Variants in NRG1 observed in about 807,000 individuals in gnomAD.
NRG1 encodes neuregulin 1.
Under a neutral mutation model 63.8 loss-of-function variants are expected in NRG1, and 18 were observed. That is an observed-to-expected ratio of 0.28 (90% confidence interval 0.19 to 0.42). The LOEUF (loss-of-function observed/expected upper bound fraction) is 0.42, where lower values mean the gene tolerates loss of function less well. NRG1 is among the 10% of genes least tolerant of loss of function. The pLI is 1.00. For missense variants in NRG1, 762 were observed against 814.7 expected (o/e 0.94, Z 0.79); for synonymous variants, 302 against 301.3 (o/e 1.00, Z -0.02).
At chr8:32,070,060 A>G (rs994323577) in intron 1 of NRG1, among the ~76,000 whole-genome samples, 1 of 152,178 alleles carries the variant, frequency 6.6e-6, no homozygotes, top group African/African-American at 2.4e-5. Flanking sequence ...ATGTCAATAA[A>G]AGGTAGTAAA....
intron 1 of NRG1, among the ~76,000 whole-genome samples, chr8:32,019,090 T>G (rs1255585205): frequency 1.3e-5 from 2 of 152,234 alleles, no homozygotes; most frequent in African/African-American, 4.8e-5. Flanking sequence ...TCTTTCTTAT[T>G]GATTTGGAGG....
In NRG1 at chr8:32,758,339, G is replaced by A. The variant is rs184619247; in HGVS notation, c.922-967G>A. 6.8e-3 allele frequency among the ~76,000 whole-genome samples: 1,042 copies of A among 152,210 alleles called. 7 individuals carry two copies. Among genetic ancestry groups the A allele is most frequent in the Middle Eastern group, 0.01 (3 of 294 alleles). ...CACCTGTAATGCCAGCACTTTGGGA[G>A]GCAGAGGTGGACGGATCACCTGAGG... is the stretch of plus-strand genomic sequence containing the variant. On this transcript the variant is annotated intron_variant, in intron 9 of 11. Coordinates refer to ENST00000356819, the Ensembl canonical transcript of NRG1.
chr8:32,739,128 G>C (rs563128188), intron 6 of NRG1, among the ~76,000 whole-genome samples: 1 of 152,088 alleles, frequency 6.6e-6, no homozygotes, highest in Non-Finnish European at 1.5e-5. Context: ...ATGAGACCCC[G>C]TAAAGCAAAA....
intron 1 of NRG1, among the ~76,000 whole-genome samples, chr8:32,558,097 G>A (rs892676766): frequency 2.6e-5 from 4 of 152,152 alleles, no homozygotes; most frequent in Non-Finnish European, 4.4e-5. Flanking sequence ...GACAAGGACC[G>A]CTATCGTTCT....
intron 1 of NRG1, among the ~76,000 whole-genome samples, chr8:32,522,789 G>C (rs1830457307): frequency 6.7e-6 from 1 of 148,832 alleles, no homozygotes; most frequent in African/African-American, 2.5e-5. Flanking sequence ...ATACTTTGTT[G>C]AGTTGGCACC....
chr8:31,894,675 T>A (rs1051005112), intron 1 of NRG1, among the ~76,000 whole-genome samples: 48 of 151,470 alleles, frequency 3.2e-4, no homozygotes, highest in African/African-American at 1.1e-3. Flanking sequence ...CTCAGCCTCC[T>A]GAGTAGCTGG....
chr8:32,421,707 T>C lies in NRG1; in HGVS notation c.38-174121T>C, dbSNP rs1210788399. On this transcript the variant is annotated intron_variant, in intron 1 of 10. Transcript: ENST00000519301. ...TCCTTCTTCCTGTGCTCCTGTTCTT[T>C]GTAATGATGCTTTCCTTAGGAAAAT... Among the ~76,000 whole-genome samples the C allele has an allele frequency of 2.0e-5, 3 of 152,328 alleles. No individual in the cohort carries two copies. The South Asian group carries it at 6.2e-4, about 32-fold the overall frequency.
chr8:32,153,966 C>T (rs1430844255), intron 1 of NRG1, among the ~76,000 whole-genome samples: 2 of 152,218 alleles, frequency 1.3e-5, no homozygotes, highest in African/African-American at 2.4e-5. Flanking sequence ...TACATGGTTT[C>T]ATCCAGGTGC....
intron 5 of NRG1, among the ~76,000 whole-genome samples, chr8:32,668,433 T>A (rs7830768): frequency 6.6e-6 from 1 of 152,036 alleles, no homozygotes; most frequent in Non-Finnish European, 1.5e-5. Context: ...GTTATTGAAG[T>A]GTCAGGGTTG....
At chr8:32,006,969 C>T (rs2129816903) in intron 1 of NRG1, among the ~76,000 whole-genome samples, 1 of 151,396 alleles carries the variant, frequency 6.6e-6, no homozygotes, top group Non-Finnish European at 1.5e-5. Flanking sequence ...GCATCTAAAA[C>T]CAGTAGCTGT....
At chr8:32,725,796 C>T (rs1822017474) in intron 5 of NRG1, among the ~76,000 whole-genome samples, 1 of 151,862 alleles carries the variant, frequency 6.6e-6, no homozygotes, top group Non-Finnish European at 1.5e-5. Flanking sequence ...TTTTTAAAGG[C>T]AATTGCCGTG....
intron 1 of NRG1, among the ~76,000 whole-genome samples, chr8:32,356,745 C>CTGCA (rs1188355956): frequency 6.6e-6 from 1 of 152,188 alleles, no homozygotes; most frequent in African/African-American, 2.4e-5. Flanking sequence ...TGGCTGCAGG[C>CTGCA]TGCATGTCCT....
chr8:31,741,665 G>T (rs1398315229), intron 1 of NRG1, among the ~76,000 whole-genome samples: 2 of 152,080 alleles, frequency 1.3e-5, no homozygotes, highest in Non-Finnish European at 2.9e-5. Context: ...ACCATACTGA[G>T]ATGATCATTT....
intron 1 of NRG1, among the ~76,000 whole-genome samples, chr8:32,027,445 CTT>C (rs1302275837): frequency 3.8e-4 from 49 of 129,674 alleles, no homozygotes; most frequent in Admixed American, 8.3e-4. Flanking sequence ...TCCTTCCTTC[CTT>C]CCTTCCTTCC....
exon 5 of NRG1, chr8:32,616,840 C>A: frequency 1.2e-6 from 2 of 1,601,560 alleles, no homozygotes; most frequent in African/African-American, 2.7e-5. Flanking sequence ...TATAGAGTCT[C>A]CCATTAGAAT....
chr8:32,506,708 G>A (rs1183697723), intron 1 of NRG1, among the ~76,000 whole-genome samples: 1 of 151,966 alleles, frequency 6.6e-6, no homozygotes, highest in East Asian at 1.9e-4. Context: ...CAGAAATCTT[G>A]GGGGGTATGT....
intron 6 of NRG1, among the ~76,000 whole-genome samples, chr8:32,731,325 G>A (rs1823601033): frequency 6.6e-6 from 1 of 151,932 alleles, no homozygotes; most frequent in South Asian, 2.1e-4. Flanking sequence ...TTACTCTTCT[G>A]ATAATTATTA....
At chr8:31,641,728 T>TCCAACATGGATTA (rs1272171376) in intron 1 of NRG1, 1 of 152,144 alleles carries the variant, frequency 6.6e-6, no homozygotes, top group Admixed American at 6.5e-5. Context: ...CGATTACACA[T>TCCAACATGGATTA]CACAAATTCC....
chr8:32,353,659 T>C (rs1261613666), intron 1 of NRG1, among the ~76,000 whole-genome samples: 1 of 152,236 alleles, frequency 6.6e-6, no homozygotes, highest in Non-Finnish European at 1.5e-5. Flanking sequence ...TTAAAATGAC[T>C]GACTGTAGCA....
Sources: gnomAD v4.1 joint callset for allele counts (sites outside exome capture counted in the v4.1 genomes callset) on GRCh38, gnomAD v4.1.1 for gene constraint, MANE v1.5 for transcripts, NCBI Gene and HGNC (gene_info 2026-07-23, HGNC 2026-07-21) for gene names.